CLEC3A: variants seen among roughly 807,000 people sequenced by gnomAD.
CLEC3A encodes C-type (calcium dependent, carbohydrate-recognition domain) lectin, superfamily member 1 (cartilage-derived).
CLEC3A carries 28 observed loss-of-function variants against 20.4 expected under a neutral mutation model. The observed-to-expected ratio is 1.37, with a 90% CI of 1.02 to 1.88. CLEC3A has a LOEUF of 1.88. Among genes scored for constraint, CLEC3A ranks in the 40% most tolerant of loss-of-function variants. The pLI, the probability that CLEC3A is intolerant of heterozygous loss-of-function variation, is 0.00. For synonymous variants in CLEC3A, 110 were observed against 88.1 expected (o/e 1.25, Z -1.39); for missense variants, 357 against 240.4 (o/e 1.48, Z -3.21).
chr16:78,023,164 A>C (rs1046833862), intron 1 of CLEC3A, among the ~76,000 whole-genome samples: 4 of 152,218 alleles, frequency 2.6e-5, no homozygotes, highest in African/African-American at 9.7e-5. Context: ...AGATAACTAT[A>C]ATCTTATTCA....
In CLEC3A at chr16:78,023,356, G is replaced by T. The variant is rs1350249242; in HGVS notation, c.115+615G>T. ...AAAAGTCAATATGCAAAGTCATCTAGTATTTGAAGGCATTGTGATGCAAAA... is the reference window on the plus strand; with the variant it reads ...AAAAGTCAATATGCAAAGTCATCTATTATTTGAAGGCATTGTGATGCAAAA... On this transcript the variant is annotated intron_variant, in intron 1 of 2. Coordinates refer to ENST00000299642, the MANE Select transcript of CLEC3A (RefSeq NM_005752.6). Among the ~76,000 whole-genome samples, 7 of 152,212 alleles carry T rather than the reference G, an allele frequency of 4.6e-5. No individual in the cohort carries two copies. In the East Asian group the frequency reaches 1.2e-3, roughly 25 times the overall value.
chr16:78,030,609 G>C lies in CLEC3A; in HGVS notation c.362G>C (p.Ser121Thr), dbSNP rs745459911. The change falls in exon 3 of 3, where the codon AGC becomes ACC. Residue 121 changes from serine to threonine, a missense_variant. Ser to Thr is a moderately conservative substitution (Grantham distance 58). Transcript: ENST00000299642. ...INALQDYGKRSLPGVNDFWLG... is the reference protein window; with the variant it reads ...INALQDYGKRTLPGVNDFWLG... ...GCCCTCCAAGACTATGGTAAAAGGA[G>C]CCTGCCAGGTGTCAATGACTTTTGG... 6.2e-7 allele frequency: 1 copy of C among 1,614,030 alleles called. No homozygotes were observed. The highest frequency in any genetic ancestry group is 8.5e-7 in the Non-Finnish European group (1 of 1,180,032).
At chr16:78,022,859 C>CACCGA in intron 1 of CLEC3A, 118 bp downstream of exon 1, 1 of 1,042,660 alleles carries the variant, frequency 9.6e-7, no homozygotes, top group Non-Finnish European at 1.4e-6. Flanking sequence ...ACCATGCCAT[C>CACCGA]ATCCCTATAT....
Position 78,030,795 on chromosome 16 carries a change from G to A in CLEC3A, c.548G>A (p.Cys183Tyr). 6.2e-7 allele frequency: 1 copy of A among 1,614,082 alleles called. No homozygotes were observed. The highest frequency in any genetic ancestry group is 1.1e-5 in the South Asian group (1 of 91,048). The stretch of plus-strand genomic sequence containing the variant: ...CAGGGCAAGTGGAGTGATGAGGCCT[G>A]TCGCAGCAGCAAGAGATACATATGC... ...SAQGKWSDEA[C>Y]RSSKRYICEF... is the part of the protein sequence containing the mutation. The change falls in exon 3 of 3, where the codon TGT becomes TAT. Residue 183 changes from cysteine to tyrosine, a missense_variant. Cys to Tyr is a radical substitution (Grantham distance 194, BLOSUM62 -2). Coordinates refer to ENST00000299642, the MANE Select transcript of CLEC3A (RefSeq NM_005752.6).
intron 2 of CLEC3A, among the ~76,000 whole-genome samples, chr16:78,028,865 A>G (rs142881978): frequency 1.3e-5 from 2 of 152,354 alleles, no homozygotes; most frequent in African/African-American, 2.4e-5. Context: ...TCAAGTATTT[A>G]TAACTCCCAG....
Position 78,022,559 on chromosome 16 carries a change from G to A in CLEC3A, c.-68G>A. The A allele has an allele frequency of 1.3e-6, 2 of 1,584,018 alleles. No individual in the cohort carries two copies. Among genetic ancestry groups the A allele is most frequent in the Non-Finnish European group, 8.6e-7 (1 of 1,166,096 alleles). Reference sequence around the variant, plus strand: ...AGGCATCCCAGAGCAAGATGTAGCTGTGTAGTCTCCTTCCATAGCTGCTCT... The same window carrying A: ...AGGCATCCCAGAGCAAGATGTAGCTATGTAGTCTCCTTCCATAGCTGCTCT... On this transcript the variant is annotated 5_prime_UTR_variant, in exon 1 of 3. It adds an upstream start codon to the 5' untranslated region. Transcript: ENST00000299642.
chr16:78,022,689 C>T lies in CLEC3A; in HGVS notation c.63C>T (p.Thr21=). The part of the protein sequence containing the change: ...LVITLLLDQT[T]SHTSRLKARK... The stretch of plus-strand genomic sequence containing the variant: ...TCACCTTACTCCTGGACCAGACCAC[C>T]AGCCACACATCCAGATTAAAAGCCA... Residue 21 remains threonine (T), a synonymous_variant, in exon 1 of 3, where the codon ACC becomes ACT. Transcript: ENST00000299642. 6.2e-7 allele frequency: 1 copy of T among 1,614,138 alleles called. No individual in the cohort carries two copies. Among genetic ancestry groups the T allele is most frequent in the Non-Finnish European group, 8.5e-7 (1 of 1,180,028 alleles).
rs1469010696 is a variant in CLEC3A, at chr16:78,030,790, G to A, written c.543G>A (p.Glu181=). The change falls in exon 3 of 3, where the codon GAG becomes GAA. Residue 181 remains glutamate (E), a synonymous_variant. Coordinates refer to ENST00000299642, the MANE Select transcript of CLEC3A (RefSeq NM_005752.6). Reference sequence around the variant, plus strand: ...CAGCTCAGGGCAAGTGGAGTGATGAGGCCTGTCGCAGCAGCAAGAGATACA... The same window carrying A: ...CAGCTCAGGGCAAGTGGAGTGATGAAGCCTGTCGCAGCAGCAAGAGATACA... ...SQSAQGKWSD[E]ACRSSKRYIC... is the part of the protein sequence containing the mutation. 1 of 1,613,952 alleles carries A rather than the reference G, an allele frequency of 6.2e-7. No homozygotes were observed. The highest frequency in any genetic ancestry group is 1.7e-5 in the Admixed American group (1 of 59,988).
chr16:78,026,292 T>C (rs968240305), intron 1 of CLEC3A, among the ~76,000 whole-genome samples: 1 of 152,186 alleles, frequency 6.6e-6, no homozygotes, highest in Non-Finnish European at 1.5e-5. Flanking sequence ...TTAGCACATG[T>C]GAATTTTAGA....
intron 2 of CLEC3A, among the ~76,000 whole-genome samples, chr16:78,029,509 T>G (rs2030022137): frequency 6.6e-6 from 1 of 151,978 alleles, no homozygotes; most frequent in Non-Finnish European, 1.5e-5. Context: ...GCTGGGATTA[T>G]AGGCACACAC....
At chr16:78,023,759 T>C (rs2018778280) in intron 1 of CLEC3A, among the ~76,000 whole-genome samples, 1 of 147,726 alleles carries the variant, frequency 6.8e-6, no homozygotes, top group Non-Finnish European at 1.5e-5. Context: ...CAAGGTTTCT[T>C]TTTTTTTTTT....
At chr16:78,028,443 C>A (rs1341402085) in intron 2 of CLEC3A, among the ~76,000 whole-genome samples, 1 of 152,196 alleles carries the variant, frequency 6.6e-6, no homozygotes, top group African/African-American at 2.4e-5. Context: ...CATACTTATT[C>A]TCTAAAGAGT....
At chr16:78,022,855 C>T in intron 1 of CLEC3A, 114 bp downstream of exon 1, 1 of 1,080,348 alleles carries the variant, frequency 9.3e-7, no homozygotes, top group Non-Finnish European at 1.3e-6. Context: ...TGGCACCATG[C>T]CATCATCCCT....
chr16:78,027,290 G>C (rs752255886), intron 1 of CLEC3A, among the ~76,000 whole-genome samples: 5 of 152,166 alleles, frequency 3.3e-5, no homozygotes, highest in African/African-American at 1.2e-4. Flanking sequence ...ACTGAGACTA[G>C]AGAATGAAGA....
At chr16:78,027,059 A>G (rs1033466554) in intron 1 of CLEC3A, among the ~76,000 whole-genome samples, 14 of 152,128 alleles carry the variant, frequency 9.2e-5, no homozygotes, top group East Asian at 3.9e-4. Flanking sequence ...TGGGAATCCA[A>G]TTTTTCTCCC....
chr16:78,026,194 GCCACCCCTGGATATT>G (rs2029917968), intron 1 of CLEC3A, among the ~76,000 whole-genome samples: 1 of 152,158 alleles, frequency 6.6e-6, no homozygotes, highest in African/African-American at 2.4e-5. Context: ...AGAGGCAGGG[GCCACCCCTGGATATT>G]CCAGAAGACA....
At chr16:78,023,679 G>T (rs528172771) in intron 1 of CLEC3A, among the ~76,000 whole-genome samples, 2 of 151,926 alleles carry the variant, frequency 1.3e-5, no homozygotes, top group East Asian at 3.9e-4. Flanking sequence ...GTAAAAAGGG[G>T]TCTTGTGCTT....
At chr16:78,028,488 A>C (rs538635534) in intron 2 of CLEC3A, among the ~76,000 whole-genome samples, 2 of 152,364 alleles carry the variant, frequency 1.3e-5, no homozygotes, top group South Asian at 2.1e-4. Context: ...GAAATGACTA[A>C]AATGATTAGC....
chr16:78,030,256 G>A (rs1245859192), intron 2 of CLEC3A, among the ~76,000 whole-genome samples, 191 bp from the exon 3 acceptor site: 1 of 152,004 alleles, frequency 6.6e-6, no homozygotes, highest in Admixed American at 6.5e-5. Context: ...AACTTCATGG[G>A]GTTGTCAGGA....
Sources: allele counts gnomAD v4.1 joint callset (sites outside exome capture counted in the v4.1 genomes callset), GRCh38; gene constraint gnomAD v4.1.1; transcripts MANE v1.5; gene names NCBI Gene and HGNC (gene_info 2026-07-23, HGNC 2026-07-21).